The following MARCHF3 variants were observed in gnomAD, a reference collection of about 807,000 sequenced individuals.
MARCHF3 encodes the protein membrane associated ring-CH-type finger 3.
A neutral mutation model predicts 24.2 loss-of-function variants in MARCHF3; 13 were observed. That is an observed-to-expected ratio of 0.54 (90% CI 0.35 to 0.85). The LOEUF (loss-of-function observed/expected upper bound fraction) is 0.85. MARCHF3 is among the 40% of genes least tolerant of loss of function. The probability of loss-of-function intolerance (pLI) is 0.01; values close to 1 mark genes in which losing one functional copy is unlikely to be tolerated. For missense variants in MARCHF3, 276 were observed against 325.0 expected, an observed-to-expected ratio of 0.85 and a Z score of 1.16; for synonymous variants, 144 against 137.3, an observed-to-expected ratio of 1.05 and a Z score of -0.34.
intron 1 of MARCHF3, among the ~76,000 whole-genome samples, chr5:126,996,519 G>T (rs537878843): frequency 6.6e-6 from 1 of 150,860 alleles, no homozygotes; most frequent in East Asian, 1.9e-4. Flanking sequence ...GTTAGCAAGA[G>T]TTGACTGCAA....
At chr5:126,990,403 G>A (rs574466417) in intron 1 of MARCHF3, among the ~76,000 whole-genome samples, 1 of 152,040 alleles carries the variant, frequency 6.6e-6, no homozygotes, top group African/African-American at 2.4e-5. Flanking sequence ...AATTCAAGAT[G>A]GATTAAAGAC....
Position 126,908,900 on chromosome 5 carries a change from C to G in MARCHF3, c.393+6030G>C, listed in dbSNP as rs534938240. Among the ~76,000 whole-genome samples the G allele has an allele frequency of 8.5e-5, 13 of 152,298 alleles. No individual in the cohort carries two copies. The East Asian group carries it at 2.5e-3, about 29-fold the overall frequency. Reference sequence around the variant, plus strand: ...CCTTTGGAGGAGGAGAGGTGCTCTGCTTTTTAGAGTTTCCAGTTTTTCTGC... The same window carrying G: ...CCTTTGGAGGAGGAGAGGTGCTCTGGTTTTTAGAGTTTCCAGTTTTTCTGC... On this transcript the variant is annotated intron_variant, in intron 3 of 4. Coordinates refer to ENST00000308660, the MANE Select transcript of MARCHF3 (RefSeq NM_178450.5).
chr5:127,015,011 G>A (rs970379737), intron 1 of MARCHF3, among the ~76,000 whole-genome samples: 9 of 152,162 alleles, frequency 5.9e-5, no homozygotes, highest in Non-Finnish European at 1.3e-4. Context: ...ATAAATGTTT[G>A]AGATGATAGA....
intron 1 of MARCHF3, among the ~76,000 whole-genome samples, chr5:127,021,251 T>C (rs1437306692): frequency 2.0e-5 from 3 of 152,096 alleles, no homozygotes; most frequent in Non-Finnish European, 4.4e-5. Flanking sequence ...GGATTATTGC[T>C]TGGGGAACTG....
chr5:126,972,911 C>T (rs781264854), intron 1 of MARCHF3, among the ~76,000 whole-genome samples: 12 of 152,204 alleles, frequency 7.9e-5, no homozygotes, highest in African/African-American at 2.4e-4. Flanking sequence ...AATTTATATA[C>T]CACATTTCTC....
chr5:126,927,217 A>G (rs1431867142), intron 1 of MARCHF3, among the ~76,000 whole-genome samples: 2 of 152,192 alleles, frequency 1.3e-5, no homozygotes, highest in African/African-American at 4.8e-5. Flanking sequence ...ATACCAAACA[A>G]GCACAAGAAC....
chr5:126,944,579 C>G (rs923503885), intron 1 of MARCHF3, among the ~76,000 whole-genome samples: 1 of 152,176 alleles, frequency 6.6e-6, no homozygotes, highest in Non-Finnish European at 1.5e-5. Context: ...GACACCCTGT[C>G]TCAAATAATA....
intron 3 of MARCHF3, chr5:126,898,954 CT>C (rs138831451): frequency 3.9e-4 from 345 of 886,540 alleles, no homozygotes; most frequent in Non-Finnish European, 4.3e-4. Flanking sequence ...AAGAATTAAA[CT>C]TTTTTTTTTA....
chr5:126,881,061 T>G (rs1580594935), intron 3 of MARCHF3, among the ~76,000 whole-genome samples: 1 of 152,320 alleles, frequency 6.6e-6, no homozygotes, highest in Non-Finnish European at 1.5e-5. Context: ...CTCTGCCAGA[T>G]GCAAAATAAA....
chr5:126,908,293 T>C (rs1435863444), intron 3 of MARCHF3, among the ~76,000 whole-genome samples: 3 of 152,186 alleles, frequency 2.0e-5, no homozygotes, highest in Non-Finnish European at 2.9e-5. Context: ...CTGACAATTA[T>C]GTGTCTTGGA....
intron 3 of MARCHF3, among the ~76,000 whole-genome samples, chr5:126,883,951 A>G (rs1475109261): frequency 6.6e-6 from 1 of 152,216 alleles, no homozygotes; most frequent in Non-Finnish European, 1.5e-5. Context: ...TGGAGCTAGA[A>G]GGAAAAAAAG....
chr5:126,979,965 A>AT (rs1751338359), intron 1 of MARCHF3, among the ~76,000 whole-genome samples: 1 of 151,774 alleles, frequency 6.6e-6, no homozygotes, highest in Non-Finnish European at 1.5e-5. Flanking sequence ...AAAAAAAAAA[A>AT]AAAAAAGAAA....
At chr5:126,989,310 C>G (rs543914463) in intron 1 of MARCHF3, among the ~76,000 whole-genome samples, 158 of 140,468 alleles carry the variant, frequency 1.1e-3, no homozygotes, top group African/African-American at 4.5e-3. Context: ...ACTACTAGTA[C>G]TACTACTACT....
intron 1 of MARCHF3, among the ~76,000 whole-genome samples, chr5:126,956,760 T>C (rs1750462978): frequency 6.7e-6 from 1 of 148,960 alleles, no homozygotes; most frequent in African/African-American, 2.5e-5. Context: ...TGCATCCCAA[T>C]CCACTTTCCA....
chr5:126,929,109 G>A (rs953915679), intron 1 of MARCHF3, among the ~76,000 whole-genome samples: 1 of 152,136 alleles, frequency 6.6e-6, no homozygotes, highest in Non-Finnish European at 1.5e-5. Context: ...AGTCACATCG[G>A]CCTCTCCCTT....
chr5:127,029,448 T>C (rs555901870), intron 1 of MARCHF3, among the ~76,000 whole-genome samples: 1 of 152,334 alleles, frequency 6.6e-6, no homozygotes, highest in Admixed American at 6.5e-5. Context: ...TAATATAAAC[T>C]ACATGCATGT....
At chr5:126,932,693 C>A (rs1312699246) in intron 1 of MARCHF3, among the ~76,000 whole-genome samples, 1 of 152,168 alleles carries the variant, frequency 6.6e-6, no homozygotes, top group Non-Finnish European at 1.5e-5. Context: ...ATATGGAGTA[C>A]AAAATTGTCT....
intron 1 of MARCHF3, among the ~76,000 whole-genome samples, chr5:127,008,282 T>G (rs1752370460): frequency 6.6e-6 from 1 of 152,178 alleles, no homozygotes; most frequent in Admixed American, 6.6e-5. Flanking sequence ...CCCTCATTGT[T>G]TGATTGCTCG....
chr5:127,011,617 A>G (rs867008112), intron 1 of MARCHF3, among the ~76,000 whole-genome samples: 1 of 152,314 alleles, frequency 6.6e-6, no homozygotes, highest in Admixed American at 6.5e-5. Context: ...TGTTGCCTGG[A>G]AAGAAAAGGA....
Sources: gnomAD v4.1 joint callset for allele counts (sites outside exome capture counted in the v4.1 genomes callset) on GRCh38, gnomAD v4.1.1 for gene constraint, MANE v1.5 for transcripts, NCBI Gene and HGNC (gene_info 2026-07-23, HGNC 2026-07-21) for gene names.